POLR2E: variants seen among roughly 807,000 people sequenced by gnomAD.
POLR2E encodes the protein DNA-directed RNA polymerases I, II, and III subunit RPABC1.
In POLR2E, 35 loss-of-function variants were observed where a neutral mutation model predicts 29.8. That is an observed-to-expected ratio of 1.17 (90% CI 0.90 to 1.55). POLR2E has a LOEUF of 1.55. POLR2E is among the 40% of genes most tolerant of loss of function. The pLI, the probability that POLR2E is intolerant of heterozygous loss-of-function variation, is 0.00. For synonymous variants in POLR2E, 174 were observed against 112.6 expected (o/e 1.55, Z -3.45); for missense variants, 287 against 288.6 (o/e 0.99, Z 0.04).
intron 7 of POLR2E, 136 bp downstream of exon 7, chr19:1,089,336 C>A: frequency 1.6e-6 from 1 of 617,926 alleles, no homozygotes; most frequent in Non-Finnish European, 2.9e-6. Context: ...GTCCTGGGAG[C>A]GCCTGGTGGC....
intron 2 of POLR2E, among the ~76,000 whole-genome samples, chr19:1,092,644 C>T (rs1009260622): frequency 1.1e-4 from 17 of 152,030 alleles, no homozygotes; most frequent in Middle Eastern, 3.4e-3. Context: ...GCAGAGATTG[C>T]GCCACTGCAC....
chr19:1,094,487 A>C (rs540483972), intron 1 of POLR2E: 1 of 188,290 alleles, frequency 5.3e-6, no homozygotes, highest in African/African-American at 2.3e-5. Flanking sequence ...GGATGCAGTG[A>C]GCTATGATTG....
At position 1,086,626 on chromosome 19, in the gene POLR2E, G is replaced by A. The variant is rs756115819; in HGVS notation, c.*2109C>T. On this transcript the variant is annotated 3_prime_UTR_variant, in exon 8 of 8. Coordinates refer to ENST00000615234, the MANE Select transcript of POLR2E (RefSeq NM_002695.5). Reference sequence around the variant, plus strand: ...TTGCTGAAATAAAAAGTTTTTAATCGGGTGTTTTCTGTGGCAGCTGCAAGC... The same window carrying A: ...TTGCTGAAATAAAAAGTTTTTAATCAGGTGTTTTCTGTGGCAGCTGCAAGC... The A allele has an allele frequency of 1.3e-5, 2 of 152,298 alleles. No individual in the cohort carries two copies. The highest frequency in any genetic ancestry group is 2.4e-5 in the African/African-American group (1 of 41,414). The allele number at this position is 152,298 out of a possible 1,614,324, so 9.4% of individuals were successfully genotyped here. A position where few individuals can be genotyped will look rare whatever the true frequency, so the allele number is the denominator to read the frequency against.
At chr19:1,095,039 C>T in intron 1 of POLR2E, 1 of 534,006 alleles carries the variant, frequency 1.9e-6, no homozygotes, top group Non-Finnish European at 3.3e-6. Context: ...CACCCCTAAG[C>T]ACCGCACCCA....
chr19:1,094,249 C>A, intron 1 of POLR2E, 171 bp from the exon 2 acceptor site: 1 of 604,738 alleles, frequency 1.7e-6, no homozygotes, highest in South Asian at 2.0e-5. Context: ...CAGCCTCACA[C>A]CACAGGATGG....
intron 3 of POLR2E, 184 bp downstream of exon 3, chr19:1,091,608 G>A (rs1034779802): frequency 5.0e-6 from 3 of 596,682 alleles, no homozygotes; most frequent in African/African-American, 3.7e-5. Flanking sequence ...GCTGCCTGGG[G>A]TGGGGCCCAT....
chr19:1,095,006 C>T, intron 1 of POLR2E: 2 of 476,088 alleles, frequency 4.2e-6, no homozygotes, highest in Non-Finnish European at 7.4e-6. Context: ...CCACGCGCGC[C>T]GCACCAGCCC....
chr19:1,090,086 C>G lies in POLR2E; in HGVS notation c.488+1G>C. The G allele has an allele frequency of 1.2e-6, 2 of 1,612,166 alleles. No homozygotes were observed. The highest frequency in any genetic ancestry group is 1.7e-6 in the Non-Finnish European group (2 of 1,179,696). ...GGGGCCGGTGGGGCTGGAAAGGATA[C>G]TATCGGGCCAGCAGCTCTGTCACCT... On this transcript the variant is annotated splice_donor_variant, in intron 5 of 7. Transcript: ENST00000615234. LOFTEE classifies it high-confidence loss of function.
chr19:1,094,132 A>G, intron 1 of POLR2E, 54 bp from the exon 2 acceptor site: 2 of 1,540,394 alleles, frequency 1.3e-6, no homozygotes, highest in Non-Finnish European at 1.8e-6. Context: ...AGGCGGCCAA[A>G]GCTCGTGACC....
chr19:1,087,656 G>A lies in POLR2E; in HGVS notation c.*1079C>T, dbSNP rs1026868955. 6.6e-6 allele frequency: 1 copy of A among 152,106 alleles called. No homozygotes were observed. Among genetic ancestry groups the A allele is most frequent in the Non-Finnish European group, 1.5e-5 (1 of 68,038 alleles). 9.4% of individuals were successfully genotyped at this position (152,106 alleles called of 1,614,324 possible). A position where few individuals can be genotyped will look rare whatever the true frequency, so the allele number is the denominator to read the frequency against. On this transcript the variant is annotated 3_prime_UTR_variant, in exon 8 of 8. Coordinates refer to ENST00000615234, the MANE Select transcript of POLR2E (RefSeq NM_002695.5). ...TGTCCCTTTGGGTCTGGCTTGCTTTGGCCAAGACAATTTTGAAAAAAGTAC... is the reference window on the plus strand; with the variant it reads ...TGTCCCTTTGGGTCTGGCTTGCTTTAGCCAAGACAATTTTGAAAAAAGTAC...
At position 1,087,185 on chromosome 19, in the gene POLR2E, G is replaced by GT. The variant is rs2043711701; in HGVS notation, c.*1549dup. The stretch of plus-strand genomic sequence containing the variant: ...TTAAAGTTTTTTGTAGAGGTGGGGG[G>GT]TTTCTCTGTGTTGCCCGGGCTGGTC... On this transcript the variant is annotated 3_prime_UTR_variant, in exon 8 of 8. Transcript: ENST00000615234. 6.6e-6 allele frequency: 1 copy of GT among 151,712 alleles called. No homozygotes were observed. The highest frequency in any genetic ancestry group is 2.1e-4 in the South Asian group (1 of 4,824). The allele number at this position is 151,712 out of a possible 1,614,324, so 9.4% of individuals were successfully genotyped here.
intron 2 of POLR2E, among the ~76,000 whole-genome samples, chr19:1,092,631 T>C (rs1473107647): frequency 1.3e-5 from 2 of 152,004 alleles, no homozygotes; most frequent in East Asian, 1.9e-4. Flanking sequence ...GAGCTTGCAG[T>C]GGGCAGAGAT....
In POLR2E at chr19:1,094,069, C is replaced by G. The variant is rs138106261; in HGVS notation, c.67G>C (p.Asp23His). The G allele has an allele frequency of 6.2e-7, 1 of 1,610,422 alleles. No individual in the cohort carries two copies. Among genetic ancestry groups the G allele is most frequent in the Non-Finnish European group, 8.5e-7 (1 of 1,178,422 alleles). ...IRKTIMQLCH[D>H]RGYLVTQDEL... Reference sequence around the variant, plus strand: ...TCCTGGGTCACCAGATAGCCACGGTCGTGGCACAGCTGCAGAGAGAAAGAA... The same window carrying G: ...TCCTGGGTCACCAGATAGCCACGGTGGTGGCACAGCTGCAGAGAGAAAGAA... The change falls in exon 2 of 8, where the codon GAC (aspartate) becomes CAC (histidine). Residue 23 changes from aspartate to histidine, a missense_variant. Asp to His is a moderately conservative substitution (Grantham distance 81). Transcript: ENST00000615234.
At chr19:1,090,044 G>C in intron 5 of POLR2E, 43 bp downstream of exon 5, 2 of 1,573,494 alleles carry the variant, frequency 1.3e-6, no homozygotes, top group East Asian at 2.2e-5. Context: ...CGGAAGTCTC[G>C]AGGGACAGGG....
intron 3 of POLR2E, among the ~76,000 whole-genome samples, chr19:1,091,265 G>A (rs919219184): frequency 6.6e-6 from 1 of 152,240 alleles, no homozygotes. Context: ...AGAGCTGGCA[G>A]GGCGACCTCT....
intron 2 of POLR2E, among the ~76,000 whole-genome samples, chr19:1,093,039 A>T (rs2043870597): frequency 6.6e-6 from 1 of 151,872 alleles, no homozygotes; most frequent in South Asian, 2.1e-4. Context: ...GCAAAGAAAA[A>T]CTAGCCAGGC....
chr19:1,095,062 C>T (rs2074445), intron 1 of POLR2E, 197 bp downstream of exon 1: 111,522 of 479,554 alleles, frequency 0.23, 12,253 homozygotes, highest in East Asian at 0.36. Flanking sequence ...CGTCTCGAAA[C>T]CCCCTCCCTT....
At position 1,093,796 on chromosome 19, in the gene POLR2E, G is replaced by A. The variant is rs765119383; in HGVS notation, c.232+108C>T. The A allele has an allele frequency of 7.7e-6, 11 of 1,436,338 alleles. No homozygotes were observed. The East Asian group carries it at 2.4e-4, about 31-fold the overall frequency. The allele number at this position is 1,436,338 out of a possible 1,614,324, so 89.0% of individuals were successfully genotyped here. On this transcript the variant is annotated intron_variant, in intron 2 of 7. Coordinates refer to ENST00000615234, the MANE Select transcript of POLR2E (RefSeq NM_002695.5). ...GGGAGTTTTCCTCCCAGACTGGGCA[G>A]AGAGACAAATGCTGGGCACCAGGCG... is the stretch of plus-strand genomic sequence containing the variant.
chr19:1,093,627 TGGG>T (rs1382600761), intron 2 of POLR2E: 1 of 649,756 alleles, frequency 1.5e-6, no homozygotes, highest in Non-Finnish European at 2.2e-6. Context: ...GCAAAGGACA[TGGG>T]GGGCTGGGGG....
Sources: gnomAD v4.1 joint callset for allele counts (sites outside exome capture counted in the v4.1 genomes callset) on GRCh38, gnomAD v4.1.1 for gene constraint, MANE v1.5 for transcripts, NCBI Gene and HGNC (gene_info 2026-07-23, HGNC 2026-07-21) for gene names.